The following KCNMA1 variants were observed in gnomAD, a reference collection of about 807,000 sequenced individuals.
The protein encoded by KCNMA1 is Calcium-activated potassium channel subunit alpha-1.
KCNMA1 carries 29 observed loss-of-function variants against 140.0 expected under a neutral mutation model. The observed-to-expected ratio is 0.21, with a 90% CI of 0.15 to 0.28. The LOEUF is 0.28. Ranked by LOEUF, KCNMA1 falls within the 10% of genes least tolerant of loss-of-function variation. KCNMA1 has a pLI of 1.00. For synonymous variants in KCNMA1, 612 were observed against 611.9 expected (o/e 1.00, Z 0.00); for missense variants, 880 against 1,602.2 (o/e 0.55, Z 7.70).
chr10:77,484,208 A>T (rs1199155964), intron 1 of KCNMA1, among the ~76,000 whole-genome samples: 1 of 152,230 alleles, frequency 6.6e-6, no homozygotes, highest in Non-Finnish European at 1.5e-5. Context: ...TCTCCTATTC[A>T]GTTGGTGTTT....
chr10:77,222,202 G>A (rs2049920274), intron 3 of KCNMA1, among the ~76,000 whole-genome samples: 1 of 152,192 alleles, frequency 6.6e-6, no homozygotes, highest in Non-Finnish European at 1.5e-5. Context: ...AAAGATGAAG[G>A]TCACTGTACT....
intron 21 of KCNMA1, chr10:76,949,591 C>T: frequency 1.7e-6 from 1 of 577,442 alleles, no homozygotes; most frequent in Middle Eastern, 4.7e-4. Flanking sequence ...AAATGTATAG[C>T]CATACACATT....
At chr10:77,110,804 T>G (rs537144038) in intron 7 of KCNMA1, among the ~76,000 whole-genome samples, 1 of 152,330 alleles carries the variant, frequency 6.6e-6, no homozygotes, top group South Asian at 2.1e-4. Flanking sequence ...CGTAGGGGGC[T>G]GCCTCCTTCC....
Position 77,046,305 on chromosome 10 carries a change from T to C in KCNMA1, c.1750-6668A>G, listed in dbSNP as rs114877494. ...TTGTCACTGTCCTTTATAATAAGAT[T>C]GTCTGAAACAGAATGCAGTCATATG... On this transcript the variant is annotated intron_variant, in intron 14 of 27. Transcript: ENST00000286628. 7.0e-3 allele frequency among the ~76,000 whole-genome samples: 1,068 copies of C among 152,330 alleles called. 19 individuals are homozygous for C. Among genetic ancestry groups the C allele is most frequent in the African/African-American group, 0.024 (1,007 of 41,570 alleles).
rs1241609175 is a variant in KCNMA1 at position 77,353,980 on chromosome 10, G to A, written c.540+49882C>T. Among the ~76,000 whole-genome samples, 81 of 105,314 alleles carry A rather than the reference G, an allele frequency of 7.7e-4. 1 individual carries two copies. The highest frequency in any genetic ancestry group is 3.1e-3 in the African/African-American group (77 of 25,224). 69.1% of individuals were successfully genotyped at this position (105,314 alleles called of 152,430 possible). The stretch of plus-strand genomic sequence containing the variant: ...TCCTGCCTCTTTTTTTGGGGGGGGG[G>A]GTGGTGGGGGTGGAGGGGTGGGGAT... On this transcript the variant is annotated intron_variant, in intron 2 of 27. Coordinates refer to ENST00000286628, the MANE Select transcript of KCNMA1 (RefSeq NM_001161352.2).
chr10:77,571,851 T>C (rs1454426319), intron 1 of KCNMA1, among the ~76,000 whole-genome samples: 1 of 152,248 alleles, frequency 6.6e-6, no homozygotes, highest in Non-Finnish European at 1.5e-5. Context: ...CACCTTTCTT[T>C]GGTCTTTGGA....
chr10:77,003,597 C>A (rs1384481673), intron 18 of KCNMA1, among the ~76,000 whole-genome samples: 1 of 151,916 alleles, frequency 6.6e-6, no homozygotes, highest in Non-Finnish European at 1.5e-5. Flanking sequence ...TTTGCTTCAC[C>A]GTAGATAAAT....
chr10:77,473,381 C>T (rs2098210029), intron 1 of KCNMA1, among the ~76,000 whole-genome samples: 1 of 152,176 alleles, frequency 6.6e-6, no homozygotes, highest in South Asian at 2.1e-4. Context: ...GAACTGGGGG[C>T]CCCAGCCTGG....
intron 10 of KCNMA1, among the ~76,000 whole-genome samples, chr10:77,087,956 AAAT>A (rs2096730804): frequency 1.3e-5 from 2 of 151,590 alleles, no homozygotes; most frequent in African/African-American, 4.8e-5. Context: ...TAAGTAAAAT[AAAT>A]AATATTTATT....
intron 27 of KCNMA1, 167 bp from the exon 28 acceptor site, chr10:76,887,682 A>G (rs1006988634): frequency 1.3e-6 from 1 of 759,570 alleles, no homozygotes; most frequent in Admixed American, 2.3e-5. Flanking sequence ...TGTTAAATGG[A>G]AACTTCCTCT....
intron 14 of KCNMA1, among the ~76,000 whole-genome samples, chr10:77,045,100 T>A (rs533784816): frequency 6.6e-6 from 1 of 152,240 alleles, no homozygotes; most frequent in African/African-American, 2.4e-5. Flanking sequence ...GTTTCTATTA[T>A]ACAAAATGGA....
intron 1 of KCNMA1, among the ~76,000 whole-genome samples, chr10:77,516,639 G>A (rs1359100749): frequency 2.0e-5 from 3 of 152,262 alleles, no homozygotes; most frequent in Non-Finnish European, 4.4e-5. Context: ...TCTATATGCT[G>A]AGAGGCAGCT....
At chr10:77,225,697 G>A (rs547039341) in intron 3 of KCNMA1, among the ~76,000 whole-genome samples, 62 of 152,288 alleles carry the variant, frequency 4.1e-4, no homozygotes, top group African/African-American at 1.5e-3. Flanking sequence ...AGGCCTTTGT[G>A]GCCTTCTTCC....
intron 1 of KCNMA1, chr10:77,637,049 A>G: frequency 7.2e-7 from 1 of 1,395,336 alleles, no homozygotes; most frequent in Non-Finnish European, 9.3e-7. Context: ...CGCGTCCCGG[A>G]GCGCACTGGC....
chr10:77,211,470 A>C (rs1220251722), intron 3 of KCNMA1, among the ~76,000 whole-genome samples: 3 of 152,216 alleles, frequency 2.0e-5, no homozygotes, highest in Non-Finnish European at 2.9e-5. Context: ...TGGATTAAAG[A>C]TTTAAATAGA....
At chr10:77,510,844 C>A (rs1354373295) in intron 1 of KCNMA1, among the ~76,000 whole-genome samples, 1 of 152,170 alleles carries the variant, frequency 6.6e-6, no homozygotes, top group East Asian at 1.9e-4. Context: ...AACATATTGA[C>A]CACTGAACAC....
intron 1 of KCNMA1, among the ~76,000 whole-genome samples, chr10:77,602,603 T>A (rs1228337246): frequency 6.6e-6 from 1 of 152,158 alleles, no homozygotes; most frequent in Non-Finnish European, 1.5e-5. Flanking sequence ...TAGAAGAATA[T>A]GGAGGTAGCA....
chr10:77,321,610 G>A (rs1447931235), intron 2 of KCNMA1, among the ~76,000 whole-genome samples: 1 of 152,212 alleles, frequency 6.6e-6, no homozygotes, highest in African/African-American at 2.4e-5. Flanking sequence ...TGGCATGAGT[G>A]TGCAATTAAT....
chr10:77,606,176 A>G (rs1273220689), intron 1 of KCNMA1, among the ~76,000 whole-genome samples: 1 of 152,152 alleles, frequency 6.6e-6, no homozygotes, highest in Non-Finnish European at 1.5e-5. Flanking sequence ...AATACTGCTG[A>G]AATACCAGGC....
Sources: gnomAD v4.1 joint callset for allele counts (sites outside exome capture counted in the v4.1 genomes callset) on GRCh38, gnomAD v4.1.1 for gene constraint, MANE v1.5 for transcripts, NCBI Gene and HGNC (gene_info 2026-07-23, HGNC 2026-07-21) for gene names.